The following ACYP2 variants were observed in gnomAD, a reference collection of about 807,000 sequenced individuals.
ACYP2 encodes the protein acylphosphatase 2.
Under a neutral mutation model 11.2 loss-of-function variants are expected in ACYP2, and 12 were observed. The observed-to-expected ratio is 1.08, with a 90% confidence interval of 0.69 to 1.74. The LOEUF (loss-of-function observed/expected upper bound fraction) is 1.74. Among genes scored for constraint, ACYP2 ranks in the 40% most tolerant of loss-of-function variants. The pLI, the probability that ACYP2 is intolerant of heterozygous loss-of-function variation, is 0.00. For synonymous variants in ACYP2, 43 were observed against 32.2 expected, an observed-to-expected ratio of 1.33 and a Z score of -1.13; for missense variants, 134 against 101.9, an observed-to-expected ratio of 1.31 and a Z score of -1.35.
intron 4 of ACYP2, among the ~76,000 whole-genome samples, chr2:54,116,097 G>T (rs1679774750): frequency 6.6e-6 from 1 of 152,108 alleles, no homozygotes; most frequent in African/African-American, 2.4e-5. Flanking sequence ...TTTAACTAGT[G>T]GTCTCGTTGC....
At chr2:54,277,807 T>G (rs1427949702) in intron 6 of ACYP2, among the ~76,000 whole-genome samples, 1 of 152,178 alleles carries the variant, frequency 6.6e-6, no homozygotes, top group Non-Finnish European at 1.5e-5. Flanking sequence ...TAATTTATAT[T>G]TTACCTTACC....
intron 4 of ACYP2, among the ~76,000 whole-genome samples, chr2:54,074,013 C>G (rs2103653075): frequency 6.6e-6 from 1 of 152,248 alleles, no homozygotes; most frequent in East Asian, 1.9e-4. Context: ...CCATATGACT[C>G]AGCAATTCCA....
chr2:54,146,552 G>A (rs186928641), intron 6 of ACYP2, among the ~76,000 whole-genome samples: 1 of 151,976 alleles, frequency 6.6e-6, no homozygotes, highest in Non-Finnish European at 1.5e-5. Flanking sequence ...TGGGATTACA[G>A]GTGTGAGCCA....
chr2:54,296,373 C>T (rs534940631), intron 6 of ACYP2, among the ~76,000 whole-genome samples: 1 of 152,294 alleles, frequency 6.6e-6, no homozygotes, highest in South Asian at 2.1e-4. Flanking sequence ...TGTGGAAACT[C>T]TGAGGGGACC....
chr2:54,253,179 C>T (rs1687314839), intron 6 of ACYP2: 1 of 152,174 alleles, frequency 6.6e-6, no homozygotes, highest in African/African-American at 2.4e-5. Context: ...ACAATGAAAG[C>T]CATAAATATT....
chr2:54,165,207 A>G (rs1203461389), intron 6 of ACYP2, among the ~76,000 whole-genome samples: 2 of 152,180 alleles, frequency 1.3e-5, no homozygotes, highest in Non-Finnish European at 2.9e-5. Flanking sequence ...TGTATAGACT[A>G]GTTGATTTCA....
At position 54,287,232 on chromosome 2, in the gene ACYP2, G is replaced by A. The variant is rs960910549; in HGVS notation, c.405-17456G>A. Among the ~76,000 whole-genome samples the A allele has an allele frequency of 1.1e-4, 17 of 151,848 alleles. 1 individual carries two copies. The highest frequency in any genetic ancestry group is 5.2e-4 in the Admixed American group (8 of 15,266). ...TTGAACACCATTTCCTCCAGAGGGG[G>A]CTAACTCTATGTCCTCATAGCAGAA... is the stretch of plus-strand genomic sequence containing the variant. On this transcript the variant is annotated intron_variant, in intron 6 of 6. Coordinates refer to ENST00000607452, the MANE Select transcript of ACYP2 (RefSeq NM_001320586.2).
chr2:54,123,811 A>G (rs1380483472), intron 4 of ACYP2, among the ~76,000 whole-genome samples: 1 of 152,170 alleles, frequency 6.6e-6, no homozygotes, highest in East Asian at 1.9e-4. Context: ...AGAAACCACT[A>G]ACTCCCAGCC....
chr2:54,220,984 C>T (rs1487874811), intron 6 of ACYP2, among the ~76,000 whole-genome samples: 2 of 152,144 alleles, frequency 1.3e-5, no homozygotes, highest in Non-Finnish European at 2.9e-5. Flanking sequence ...TGGGTTTGGC[C>T]ATAGGATTTG....
chr2:54,063,354 T>C (rs1469714200), intron 4 of ACYP2, among the ~76,000 whole-genome samples: 1 of 152,078 alleles, frequency 6.6e-6, no homozygotes, highest in East Asian at 1.9e-4. Context: ...TTAGGGAAAA[T>C]ATCCTAAAAT....
At chr2:54,040,832 T>C (rs1190598621) in intron 2 of ACYP2, among the ~76,000 whole-genome samples, 1 of 152,110 alleles carries the variant, frequency 6.6e-6, no homozygotes, top group Non-Finnish European at 1.5e-5. Flanking sequence ...GTACTGGACA[T>C]GGGGAATATA....
In ACYP2 at chr2:54,189,997, GT is replaced by G. The variant is rs1439455845; in HGVS notation, c.404+51253del. Among the ~76,000 whole-genome samples the G allele has an allele frequency of 1.6e-4, 24 of 152,082 alleles. 1 individual carries two copies. The East Asian group carries it at 4.6e-3, about 29-fold the overall frequency. On this transcript the variant is annotated intron_variant, in intron 6 of 6. Transcript: ENST00000607452. Reference sequence around the variant, plus strand: ...TCGTATACCTGTTGGACATTTTTACGTTTTGTTTTTTGAGAAATGTCCATTT... The same window carrying G: ...TCGTATACCTGTTGGACATTTTTACGTTTGTTTTTTGAGAAATGTCCATTT...
intron 6 of ACYP2, among the ~76,000 whole-genome samples, chr2:54,303,209 G>A (rs1403091573): frequency 2.0e-5 from 3 of 151,992 alleles, no homozygotes; most frequent in African/African-American, 7.3e-5. Context: ...AAATTAGCCA[G>A]GTGTGATGGT....
chr2:54,282,275 A>G (rs1455792769), intron 6 of ACYP2, among the ~76,000 whole-genome samples: 1 of 152,248 alleles, frequency 6.6e-6, no homozygotes, highest in South Asian at 2.1e-4. Context: ...AAATAAAATA[A>G]CTAAAATAAC....
intron 2 of ACYP2, among the ~76,000 whole-genome samples, chr2:54,005,317 C>G (rs2104531116): frequency 6.6e-6 from 1 of 150,902 alleles, no homozygotes; most frequent in African/African-American, 2.4e-5. Flanking sequence ...TGCCAAAGAT[C>G]AGTTGACTCT....
chr2:54,094,634 C>G (rs113129167), intron 4 of ACYP2, among the ~76,000 whole-genome samples: 25 of 151,890 alleles, frequency 1.6e-4, no homozygotes, highest in African/African-American at 5.6e-4. Flanking sequence ...TCCTCCTGTG[C>G]TCAACCAATC....
intron 4 of ACYP2, among the ~76,000 whole-genome samples, chr2:54,116,184 G>A (rs1416064170): frequency 2.6e-5 from 4 of 152,184 alleles, no homozygotes; most frequent in African/African-American, 9.7e-5. Flanking sequence ...TTTTTCAGAG[G>A]TCAAACCTTT....
chr2:54,031,327 C>G (rs1003403910), intron 2 of ACYP2, among the ~76,000 whole-genome samples: 1 of 144,830 alleles, frequency 6.9e-6, no homozygotes, highest in Non-Finnish European at 1.5e-5. Context: ...ACCCTGTGTG[C>G]AAGTGTTCTC....
At chr2:54,060,996 T>G (rs1676441657) in intron 4 of ACYP2, among the ~76,000 whole-genome samples, 1 of 152,148 alleles carries the variant, frequency 6.6e-6, no homozygotes, top group African/African-American at 2.4e-5. Context: ...CACATTTAAT[T>G]TATCTGCCAT....
Sources: gnomAD v4.1 joint callset for allele counts (sites outside exome capture counted in the v4.1 genomes callset) on GRCh38, gnomAD v4.1.1 for gene constraint, MANE v1.5 for transcripts, NCBI Gene and HGNC (gene_info 2026-07-23, HGNC 2026-07-21) for gene names.